Variants in ATP7B observed in about 807,000 individuals in gnomAD.
ATP7B encodes the protein copper-transporting ATPase 2.
A neutral mutation model predicts 118.9 loss-of-function variants in ATP7B; 113 were observed. The observed-to-expected ratio is 0.95, with a 90% CI of 0.82 to 1.11. The LOEUF is 1.11. Ranked by LOEUF, ATP7B falls within the 50% of genes most tolerant of loss-of-function variation. The pLI is 0.00. For synonymous variants in ATP7B, 777 were observed against 727.4 expected, an observed-to-expected ratio of 1.07 and a Z score of -1.10; for missense variants, 1,867 against 1,871.4, an observed-to-expected ratio of 1.00 and a Z score of 0.04.
At chr13:51,967,150 A>C (rs1862651381) in intron 4 of ATP7B, 1 of 1,581,326 alleles carries the variant, frequency 6.3e-7, no homozygotes. Flanking sequence ...AGTAGAATAA[A>C]AATTCCATCA....
chr13:51,939,930 A>G (rs1471272687), intron 16 of ATP7B, among the ~76,000 whole-genome samples: 4 of 151,822 alleles, frequency 2.6e-5, no homozygotes, highest in Non-Finnish European at 4.4e-5. Context: ...TAACATTAAC[A>G]AAGTAAAGAC....
At chr13:52,002,469 G>A (rs1953538831) in intron 1 of ATP7B, among the ~76,000 whole-genome samples, 1 of 147,346 alleles carries the variant, frequency 6.8e-6, no homozygotes, top group South Asian at 2.3e-4. Flanking sequence ...GAGAAGCTGA[G>A]GTGATAGGAT....
At chr13:51,982,533 G>A (rs775198979) in intron 1 of ATP7B, among the ~76,000 whole-genome samples, 9 of 152,156 alleles carry the variant, frequency 5.9e-5, no homozygotes, top group East Asian at 1.9e-4. Flanking sequence ...AGAAAGCTCC[G>A]GCTGGCATCT....
intron 1 of ATP7B, among the ~76,000 whole-genome samples, chr13:51,992,339 A>G (rs1478487542): frequency 6.6e-6 from 1 of 152,206 alleles, no homozygotes; most frequent in African/African-American, 2.4e-5. Flanking sequence ...CAGTGTTCCA[A>G]TGGAAAAGCA....
At position 51,973,805 on chromosome 13, in the gene ATP7B, T is replaced by C. The variant is rs1593786474; in HGVS notation, c.1285+130A>G. The C allele has an allele frequency of 5.2e-6, 7 of 1,345,322 alleles. No homozygotes were observed. In the East Asian group the frequency reaches 1.4e-4, roughly 27 times the overall value. 83.3% of individuals were successfully genotyped at this position (1,345,322 alleles called of 1,614,324 possible). A position where few individuals can be genotyped will look rare whatever the true frequency, so the allele number is the denominator to read the frequency against. ...AACAAATTTAACATGCAAGGAAAGT[T>C]TGCAGGATTTTGTTCCACTGTTGAC... On this transcript the variant is annotated intron_variant, in intron 2 of 20. Transcript: ENST00000242839.
chr13:51,935,764 C>T (rs931575601), intron 19 of ATP7B, 69 bp from the exon 20 acceptor site: 67 of 1,415,466 alleles, frequency 4.7e-5, no homozygotes, highest in Middle Eastern at 1.8e-4. Context: ...CTTCAGGCAC[C>T]GGGCTGCCCC....
At position 51,935,033 on chromosome 13, in the gene ATP7B, G is replaced by T. The variant is rs760766549; in HGVS notation, c.4125-4C>A. On this transcript the variant is annotated splice_region_variant and splice_polypyrimidine_tract_variant and intron_variant, in intron 20 of 20. Transcript: ENST00000242839. ...CTCCAGGTCAGGCTTCTTATAGCTG[G>T]AAAGCAGGAACGCAACAGCATCTGA... is the stretch of plus-strand genomic sequence containing the variant. 1 of 1,613,820 alleles carries T rather than the reference G, an allele frequency of 6.2e-7. No homozygotes were observed. The highest frequency in any genetic ancestry group is 2.2e-5 in the East Asian group (1 of 44,874).
rs1486594906 is a variant in ATP7B, at chr13:51,939,088, C to T, written c.3662G>A (p.Gly1221Glu). 84 of 1,614,236 alleles carry T rather than the reference C, an allele frequency of 5.2e-5. No homozygotes were observed. Among genetic ancestry groups the T allele is most frequent in the Non-Finnish European group, 7.0e-5 (83 of 1,180,044 alleles). Residue 1221 changes from glycine (G) to glutamate (E), a missense_variant, in exon 17 of 21, where the codon GGG (glycine) becomes GAG (glutamate). Transcript: ENST00000242839. ...AGCTCTGGCTGTCTTCCGGTTGTCC[C>T]CCGTGATCAGAACCACGTCCACACC... Reference protein sequence around the residue: ...SMGVDVVLITGDNRKTARAIA... With the variant: ...SMGVDVVLITEDNRKTARAIA...
chr13:51,959,034 T>C (rs1958551972), intron 7 of ATP7B: 1 of 171,794 alleles, frequency 5.8e-6, no homozygotes, highest in African/African-American at 2.4e-5. Context: ...CACGCAAGTG[T>C]GCATTTTCTC....
At chr13:51,991,312 T>C (rs557741276) in intron 1 of ATP7B, among the ~76,000 whole-genome samples, 1 of 152,202 alleles carries the variant, frequency 6.6e-6, no homozygotes, top group South Asian at 2.1e-4. Flanking sequence ...CTCTGTCAGA[T>C]ACAGGATACG....
chr13:51,942,534 C>G lies in ATP7B; in HGVS notation c.3264G>C (p.Leu1088Phe), dbSNP rs1957399102. Residue 1088 changes from leucine (L) to phenylalanine (F), a missense_variant, in exon 15 of 21, where the codon TTG becomes TTC. Transcript: ENST00000242839. ...YCKEELGTET[L>F]GYCTDFQAVP... ...CTGCCTGGAAGTCCGTGCAGTATCCCAAGGTCTCTGTTCCAAGTTCCTGGG... is the reference window on the plus strand; with the variant it reads ...CTGCCTGGAAGTCCGTGCAGTATCCGAAGGTCTCTGTTCCAAGTTCCTGGG... The G allele has an allele frequency of 6.2e-7, 1 of 1,613,976 alleles. No homozygotes were observed. Among genetic ancestry groups the G allele is most frequent in the African/African-American group, 1.3e-5 (1 of 74,894 alleles).
chr13:52,011,472 T>A, upstream of ATP7B: 1 of 852,932 alleles, frequency 1.2e-6, no homozygotes, highest in Non-Finnish European at 1.9e-6. Context: ...GGCTCGGCTC[T>A]AAAGCAAACA....
At chr13:51,985,122 C>T (rs1209373158) in intron 1 of ATP7B, among the ~76,000 whole-genome samples, 6 of 152,170 alleles carry the variant, frequency 3.9e-5, no homozygotes, top group South Asian at 4.2e-4. Context: ...CACAGACTGG[C>T]GAATTGGATA....
At chr13:51,987,312 T>C (rs776914016) in intron 1 of ATP7B, among the ~76,000 whole-genome samples, 38 of 152,178 alleles carry the variant, frequency 2.5e-4, no homozygotes, top group Non-Finnish European at 4.9e-4. Context: ...CCATTCACAA[T>C]TGCTACAAAG....
intron 1 of ATP7B, among the ~76,000 whole-genome samples, chr13:52,008,188 A>C (rs1254639809): frequency 1.3e-5 from 2 of 152,098 alleles, no homozygotes; most frequent in Non-Finnish European, 2.9e-5. Context: ...AAAAATACAA[A>C]AATTAGCTGG....
intron 7 of ATP7B, chr13:51,958,813 G>A (rs1342451822): frequency 1.2e-5 from 6 of 508,024 alleles, no homozygotes; most frequent in Non-Finnish European, 1.8e-5. Flanking sequence ...GTGAAAAGTT[G>A]GGGAAAAAAA....
chr13:52,011,193 C>A, intron 1 of ATP7B, 94 bp downstream of exon 1: 1 of 1,596,770 alleles, frequency 6.3e-7, no homozygotes, highest in South Asian at 1.1e-5. Flanking sequence ...CTTCCCTGCG[C>A]ACCCCCTGGG....
At position 51,974,184 on chromosome 13, in the gene ATP7B, G is replaced by A. The variant is rs201200863; in HGVS notation, c.1036C>T (p.Pro346Ser). The change falls in exon 2 of 21, where the codon CCT becomes TCT. Residue 346 changes from proline to serine, a missense_variant. Pro to Ser is a moderately conservative substitution (Grantham distance 74). Transcript: ENST00000242839. ...TDHRSSSSHSPGSPPRNQVQG... is the reference protein window; with the variant it reads ...TDHRSSSSHSSGSPPRNQVQG... ...ACCTGGTTTCTCGGTGGGGAGCCAGGGGAATGAGAACTGGAAGACCTGTGA... is the reference window on the plus strand; with the variant it reads ...ACCTGGTTTCTCGGTGGGGAGCCAGAGGAATGAGAACTGGAAGACCTGTGA... 40 of 1,508,164 alleles carry A rather than the reference G, an allele frequency of 2.7e-5. No individual in the cohort carries two copies. Among genetic ancestry groups the A allele is most frequent in the Admixed American group, 3.9e-5 (2 of 51,690 alleles). 93.4% of individuals were successfully genotyped at this position (1,508,164 alleles called of 1,614,324 possible).
Position 51,964,981 on chromosome 13 carries a change from G to C in ATP7B, c.1760C>G (p.Thr587Arg), listed in dbSNP as rs757716093. ...GGCATAAGTGATGCCATTTGTCCTC[G>C]TGAGTTTGGACTCTATGTTGTGGAC... is the stretch of plus-strand genomic sequence containing the variant. ...SCVHNIESKLTRTNGITYASV... is the reference protein window; with the variant it reads ...SCVHNIESKLRRTNGITYASV... Residue 587 changes from threonine to arginine, a missense_variant, in exon 5 of 21, where the codon ACG becomes AGG. Thr to Arg is a moderately conservative substitution (Grantham distance 71). Transcript: ENST00000242839. 6.2e-7 allele frequency: 1 copy of C among 1,614,152 alleles called. No individual in the cohort carries two copies. The highest frequency in any genetic ancestry group is 8.5e-7 in the Non-Finnish European group (1 of 1,180,032).
Sources: gnomAD v4.1 joint callset for allele counts (sites outside exome capture counted in the v4.1 genomes callset) on GRCh38, gnomAD v4.1.1 for gene constraint, MANE v1.5 for transcripts, NCBI Gene and HGNC (gene_info 2026-07-23, HGNC 2026-07-21) for gene names.